The following KIAA2012 variants were observed in gnomAD, a reference collection of about 807,000 sequenced individuals.
KIAA2012 encodes the protein KIAA2012, also known as uncharacterized protein KIAA2012.
A neutral mutation model predicts 150.6 loss-of-function variants in KIAA2012; 125 were observed. The ratio of observed to expected loss-of-function variants is 0.83; its 90% CI spans 0.72 to 0.96. The LOEUF (loss-of-function observed/expected upper bound fraction) is 0.96. Ranked by LOEUF, KIAA2012 falls within the 40% of genes least tolerant of loss-of-function variation. The pLI is 0.00. For missense variants in KIAA2012, 1,219 were observed against 1,354.9 expected, an observed-to-expected ratio of 0.90 and a Z score of 1.57; for synonymous variants, 462 against 504.7, an observed-to-expected ratio of 0.92 and a Z score of 1.13.
chr2:202,202,228 T>C (rs1454191181), intron 22 of KIAA2012, among the ~76,000 whole-genome samples: 2 of 152,222 alleles, frequency 1.3e-5, no homozygotes, highest in East Asian at 1.9e-4. Context: ...TTTTTACTTT[T>C]CCAGTAGGAG....
At chr2:202,159,121 G>A (rs1034298936) in intron 14 of KIAA2012, among the ~76,000 whole-genome samples, 7 of 152,212 alleles carry the variant, frequency 4.6e-5, no homozygotes, top group Non-Finnish European at 7.3e-5. Context: ...TGCATCCCAC[G>A]AAGCAGAAGG....
chr2:202,203,907 C>A lies in KIAA2012; in HGVS notation c.*21-1091C>A, dbSNP rs575660726. On this transcript the variant is annotated intron_variant, in intron 23 of 23. Coordinates refer to ENST00000498697, the MANE Select transcript of KIAA2012 (RefSeq NM_001277372.4). ...GCCTCAGCTTCCCGAGTAGCTGAGACTACAGGCCCCCGCCACCATGCCTGG... is the reference window on the plus strand; with the variant it reads ...GCCTCAGCTTCCCGAGTAGCTGAGAATACAGGCCCCCGCCACCATGCCTGG... 4.5e-4 allele frequency among the ~76,000 whole-genome samples: 68 copies of A among 151,976 alleles called. 1 individual carries two copies. Among genetic ancestry groups the A allele is most frequent in the African/African-American group, 1.6e-3 (68 of 41,452 alleles).
intron 18 of KIAA2012, 111 bp downstream of exon 18, chr2:202,188,377 C>T (rs1036157189): frequency 8.8e-6 from 7 of 799,422 alleles, no homozygotes; most frequent in African/African-American, 8.7e-5. Flanking sequence ...TGTTTTGAGA[C>T]TTCTTGACTA....
intron 5 of KIAA2012, among the ~76,000 whole-genome samples, chr2:202,099,149 G>A (rs1689977285): frequency 6.6e-6 from 1 of 151,684 alleles, no homozygotes; most frequent in African/African-American, 2.4e-5. Context: ...CACCATGCCT[G>A]GCTAATTTTT....
intron 15 of KIAA2012, chr2:202,179,873 C>A: frequency 4.5e-6 from 3 of 666,616 alleles, no homozygotes; most frequent in South Asian, 1.3e-5. Context: ...GCCATGTTAA[C>A]CCTAAAGGAA....
chr2:202,165,888 A>C (rs1691748533), intron 15 of KIAA2012, among the ~76,000 whole-genome samples: 1 of 152,234 alleles, frequency 6.6e-6, no homozygotes, highest in African/African-American at 2.4e-5. Flanking sequence ...ACCAGACAAC[A>C]ATATATCATG....
At chr2:202,086,076 G>A (rs1290681922) in intron 2 of KIAA2012, among the ~76,000 whole-genome samples, 2 of 144,730 alleles carry the variant, frequency 1.4e-5, no homozygotes, top group East Asian at 4.1e-4. Flanking sequence ...GCTGAGGCAG[G>A]AGAATCACTT....
chr2:202,188,520 G>A (rs1239195711), intron 18 of KIAA2012, among the ~76,000 whole-genome samples: 1 of 152,110 alleles, frequency 6.6e-6, no homozygotes, highest in African/African-American at 2.4e-5. Context: ...CCTATTTACT[G>A]AATACCTACT....
intron 22 of KIAA2012, chr2:202,201,823 C>A: frequency 7.7e-7 from 1 of 1,296,112 alleles, no homozygotes; most frequent in South Asian, 1.2e-5. Context: ...TGAGGGTAGA[C>A]TGGATTCCCA....
chr2:202,177,209 AAAT>A (rs1408968691), intron 15 of KIAA2012, among the ~76,000 whole-genome samples: 1 of 152,238 alleles, frequency 6.6e-6, no homozygotes, highest in Non-Finnish European at 1.5e-5. Context: ...CAAGTTACAT[AAAT>A]AATATCATTT....
At chr2:202,150,098 T>G (rs1222366863) in intron 13 of KIAA2012, among the ~76,000 whole-genome samples, 1 of 152,252 alleles carries the variant, frequency 6.6e-6, no homozygotes, top group African/African-American at 2.4e-5. Flanking sequence ...ATAATAATCC[T>G]GGATTTTCCA....
chr2:202,108,218 T>C (rs1253135092), intron 9 of KIAA2012, among the ~76,000 whole-genome samples: 5 of 152,156 alleles, frequency 3.3e-5, no homozygotes. Flanking sequence ...CATCCACACA[T>C]ATATATTTTT....
chr2:202,105,777 GTCA>G lies in KIAA2012; in HGVS notation c.1342_1344del (p.Ser448del), dbSNP rs1690171671. 3.2e-6 allele frequency: 5 copies of G among 1,550,504 alleles called. No individual in the cohort carries two copies. In the African/African-American group the frequency reaches 6.8e-5, roughly 21 times the overall value. Reference sequence around the variant, plus strand: ...GTCTCCTAGGTGCTCCACACCCTGAGTCAGAACCAGAAAGCAGCGAAGAATCCA... The same window carrying G: ...GTCTCCTAGGTGCTCCACACCCTGAGGAACCAGAAAGCAGCGAAGAATCCA... On this transcript the variant is annotated inframe_deletion, in exon 9 of 24. Transcript: ENST00000498697.
intron 5 of KIAA2012, 139 bp downstream of exon 5, chr2:202,097,716 A>G (rs1206435576): frequency 1.0e-6 from 1 of 982,650 alleles, no homozygotes; most frequent in Non-Finnish European, 1.5e-6. Flanking sequence ...CAGCCTCCTG[A>G]ATAGCTGGGA....
Position 202,125,196 on chromosome 2 carries a change from T to C in KIAA2012, c.1763-18T>C, listed in dbSNP as rs1222780202. On this transcript the variant is annotated intron_variant, in intron 11 of 23. Coordinates refer to ENST00000498697, the MANE Select transcript of KIAA2012 (RefSeq NM_001277372.4). ...GACTTTTTCCCGCTCTCAGGTAAAA[T>C]ATCTTACTGTTTTTCAGCCTATGAA... The C allele has an allele frequency of 7.8e-6, 12 of 1,545,084 alleles. No individual in the cohort carries two copies. In the Admixed American group the frequency reaches 7.9e-5, roughly 10 times the overall value.
chr2:202,162,317 C>T (rs968930405), intron 14 of KIAA2012, among the ~76,000 whole-genome samples: 2 of 152,012 alleles, frequency 1.3e-5, no homozygotes, highest in African/African-American at 4.8e-5. Flanking sequence ...CTCTGTCATC[C>T]AGGCTGGAGT....
intron 23 of KIAA2012, among the ~76,000 whole-genome samples, chr2:202,204,167 C>T (rs1206783967): frequency 1.3e-5 from 2 of 151,246 alleles, no homozygotes; most frequent in African/African-American, 4.9e-5. Context: ...GCTTTGACCT[C>T]CTGGGCTCAA....
intron 11 of KIAA2012, among the ~76,000 whole-genome samples, chr2:202,119,826 G>A (rs751662709): frequency 1.8e-4 from 27 of 152,142 alleles, no homozygotes; most frequent in Non-Finnish European, 3.2e-4. Context: ...GATATCTTTT[G>A]GCTGTGTCCC....
At chr2:202,184,445 T>C (rs1459843498) in intron 15 of KIAA2012, among the ~76,000 whole-genome samples, 2 of 152,144 alleles carry the variant, frequency 1.3e-5, no homozygotes, top group African/African-American at 2.4e-5. Context: ...TGTTTCTTCT[T>C]TTGAATTCTT....
Sources: gnomAD v4.1 joint callset for allele counts (sites outside exome capture counted in the v4.1 genomes callset) on GRCh38, gnomAD v4.1.1 for gene constraint, MANE v1.5 for transcripts, NCBI Gene and HGNC (gene_info 2026-07-23, HGNC 2026-07-21) for gene names.